Variants in BRMS1L observed in about 807,000 individuals in gnomAD.
BRMS1L encodes the protein breast cancer metastasis-suppressor 1-like protein.
A neutral mutation model predicts 50.3 loss-of-function variants in BRMS1L; 23 were observed. That is an observed-to-expected ratio of 0.46 (90% CI 0.33 to 0.65). The LOEUF is 0.65. Ranked by LOEUF, BRMS1L falls within the 30% of genes least tolerant of loss-of-function variation. The probability of loss-of-function intolerance (pLI) is 0.02; values close to 1 mark genes in which losing one functional copy is unlikely to be tolerated. For missense variants in BRMS1L, 286 were observed against 386.1 expected (o/e 0.74, Z 2.17); for synonymous variants, 114 against 126.9 (o/e 0.90, Z 0.69).
chr14:35,856,805 G>C (rs1421447665), intron 4 of BRMS1L, among the ~76,000 whole-genome samples: 1 of 152,092 alleles, frequency 6.6e-6, no homozygotes, highest in African/African-American at 2.4e-5. Flanking sequence ...AGTAGATACA[G>C]GGTTTGCCAT....
chr14:35,846,880 C>G (rs1856663271), intron 4 of BRMS1L, among the ~76,000 whole-genome samples: 1 of 152,038 alleles, frequency 6.6e-6, no homozygotes, highest in African/African-American at 2.4e-5. Context: ...CTTTTTTAAA[C>G]TCATTTTTTG....
At position 35,870,777 on chromosome 14, in the gene BRMS1L, T is replaced by A. The variant is rs1161877862; in HGVS notation, c.*300T>A. 1 of 163,230 alleles carries A rather than the reference T, an allele frequency of 6.1e-6. No homozygotes were observed. Among genetic ancestry groups the A allele is most frequent in the Non-Finnish European group, 1.3e-5 (1 of 75,384 alleles). 10.1% of individuals were successfully genotyped at this position (163,230 alleles called of 1,614,324 possible). A position where few individuals can be genotyped will look rare whatever the true frequency, so the allele number is the denominator to read the frequency against. On this transcript the variant is annotated 3_prime_UTR_variant, in exon 10 of 10. Transcript: ENST00000216807. The stretch of plus-strand genomic sequence containing the variant: ...TGGTTTTAAAAAAAGTTATGCAAAT[T>A]TGTCTTATCTTTAGTAAACTATGAC...
intron 4 of BRMS1L, among the ~76,000 whole-genome samples, chr14:35,850,717 G>A (rs1023090489): frequency 9.2e-5 from 14 of 152,094 alleles, no homozygotes; most frequent in Admixed American, 2.0e-4. Flanking sequence ...CAGCTCTTAC[G>A]TTTAAGTCTT....
intron 4 of BRMS1L, among the ~76,000 whole-genome samples, chr14:35,857,710 CTGTTG>C (rs2078299486): frequency 6.6e-6 from 1 of 152,010 alleles, no homozygotes; most frequent in South Asian, 2.1e-4. Context: ...TCTTCTAATA[CTGTTG>C]TGTTACAGTT....
At position 35,840,438 on chromosome 14, in the gene BRMS1L, G is replaced by A. The variant is rs138467396; in HGVS notation, c.441+5515G>A. On this transcript the variant is annotated intron_variant, in intron 4 of 9. Coordinates refer to ENST00000216807, the MANE Select transcript of BRMS1L (RefSeq NM_032352.4). ...TCTATTGTTTAGAATAGTTTCAGAA[G>A]GAATGCTACCAGCTCCTCTTTGTAC... is the stretch of plus-strand genomic sequence containing the variant. Among the ~76,000 whole-genome samples, 1,514 of 152,290 alleles carry A rather than the reference G, an allele frequency of 9.9e-3. 19 individuals are homozygous for A. The highest frequency in any genetic ancestry group is 0.013 in the Non-Finnish European group (878 of 68,022).
intron 4 of BRMS1L, among the ~76,000 whole-genome samples, chr14:35,846,041 A>G (rs910749300): frequency 1.3e-5 from 2 of 152,224 alleles, no homozygotes. Flanking sequence ...TTTAATGTAT[A>G]TTAGAAACAA....
rs150621639 is a variant in BRMS1L, at chr14:35,832,242, C to T, written c.234-736C>T. Among the ~76,000 whole-genome samples, 362 of 148,770 alleles carry T rather than the reference C, an allele frequency of 2.4e-3. 1 individual carries two copies. Among genetic ancestry groups the T allele is most frequent in the African/African-American group, 8.7e-3 (344 of 39,722 alleles). The stretch of plus-strand genomic sequence containing the variant: ...AGGCTGGGCCGGGCACGGTGGCTTA[C>T]GCCTGTAATCCCAGCATTTTGGGAG... On this transcript the variant is annotated intron_variant, in intron 2 of 9. Coordinates refer to ENST00000216807, the MANE Select transcript of BRMS1L (RefSeq NM_032352.4).
chr14:35,833,238 T>G (rs947211045), intron 3 of BRMS1L, 133 bp downstream of exon 3: 1 of 887,718 alleles, frequency 1.1e-6, no homozygotes, highest in Non-Finnish European at 1.6e-6. Context: ...ATTTTACTTT[T>G]AGTTAGCCCA....
rs1426758642 is a variant in BRMS1L at position 35,863,820 on chromosome 14, C to T, written c.539-50C>T. On this transcript the variant is annotated intron_variant, in intron 5 of 9. Transcript: ENST00000216807. ...CCATAAAATTAGAGTCTTTTTTCCT[C>T]CTTTGTTCACCAGAAACCCACTAAT... 10 of 1,525,114 alleles carry T rather than the reference C, an allele frequency of 6.6e-6. No homozygotes were observed. In the Admixed American group the frequency reaches 1.0e-4, roughly 16 times the overall value. The allele number at this position is 1,525,114 out of a possible 1,614,324, so 94.5% of individuals were successfully genotyped here. A position where few individuals can be genotyped will look rare whatever the true frequency, so the allele number is the denominator to read the frequency against.
intron 4 of BRMS1L, among the ~76,000 whole-genome samples, chr14:35,855,613 A>G (rs1192093768): frequency 1.3e-5 from 2 of 152,162 alleles, no homozygotes; most frequent in African/African-American, 4.8e-5. Context: ...AATTTCTTCT[A>G]TTAATAGTTT....
chr14:35,845,020 A>G (rs982389402), intron 4 of BRMS1L, among the ~76,000 whole-genome samples: 3 of 152,184 alleles, frequency 2.0e-5, no homozygotes, highest in East Asian at 1.9e-4. Flanking sequence ...AGTTAGGACT[A>G]TAGGCATATG....
At chr14:35,841,998 CTTTT>C (rs574267347) in intron 4 of BRMS1L, among the ~76,000 whole-genome samples, 1 of 112,222 alleles carries the variant, frequency 8.9e-6, no homozygotes, top group Non-Finnish European at 1.8e-5. Context: ...GCAATCTCTG[CTTTT>C]TTTTTTTTTT....
chr14:35,826,388 G>C lies in BRMS1L; in HGVS notation c.-129G>C. The C allele has an allele frequency of 7.2e-7, 1 of 1,388,448 alleles. No homozygotes were observed. The highest frequency in any genetic ancestry group is 9.8e-7 in the Non-Finnish European group (1 of 1,020,370). 86.0% of individuals were successfully genotyped at this position (1,388,448 alleles called of 1,614,324 possible). ...GTTAGGTTGTGAGGCCCGGGCCGGGGGCGGGGAGGAGCCAAGGGGGCGAGC... is the reference window on the plus strand; with the variant it reads ...GTTAGGTTGTGAGGCCCGGGCCGGGCGCGGGGAGGAGCCAAGGGGGCGAGC... On this transcript the variant is annotated 5_prime_UTR_variant, in exon 1 of 10. Transcript: ENST00000216807.
chr14:35,835,129 T>A (rs2077974775), intron 4 of BRMS1L, among the ~76,000 whole-genome samples: 1 of 151,830 alleles, frequency 6.6e-6, no homozygotes, highest in African/African-American at 2.4e-5. Flanking sequence ...AGAAAAAAAC[T>A]GAGATAATTT....
At chr14:35,866,221 A>C (rs570919852) in intron 8 of BRMS1L, among the ~76,000 whole-genome samples, 158 of 152,254 alleles carry the variant, frequency 1.0e-3, no homozygotes, top group African/African-American at 3.6e-3. Context: ...GGAAGTCTAA[A>C]ATCACTGCCA....
chr14:35,864,819 AG>A (rs2078400148), intron 6 of BRMS1L, 115 bp from the exon 7 acceptor site: 1 of 739,384 alleles, frequency 1.4e-6, no homozygotes, highest in Non-Finnish European at 2.3e-6. Flanking sequence ...GTCAGAATTT[AG>A]GATGCCAAAG....
At chr14:35,864,515 A>G (rs964307094) in intron 6 of BRMS1L, among the ~76,000 whole-genome samples, 4 of 152,094 alleles carry the variant, frequency 2.6e-5, no homozygotes, top group African/African-American at 7.2e-5. Context: ...TGGCCTCCCA[A>G]AGTGCTAGGA....
chr14:35,839,893 C>T (rs1230955827), intron 4 of BRMS1L, among the ~76,000 whole-genome samples: 1 of 152,182 alleles, frequency 6.6e-6, no homozygotes, highest in Non-Finnish European at 1.5e-5. Flanking sequence ...CTGGCCAGAA[C>T]TTCCAATACT....
At chr14:35,865,061 GTTTTT>G (rs1017357394) in intron 7 of BRMS1L, 62 bp downstream of exon 7, 1 of 1,233,796 alleles carries the variant, frequency 8.1e-7, no homozygotes, top group Non-Finnish European at 1.1e-6. Flanking sequence ...AAGATTCTAT[GTTTTT>G]TTTGTTAGTA....
Sources: gnomAD v4.1 joint callset for allele counts (sites outside exome capture counted in the v4.1 genomes callset) on GRCh38, gnomAD v4.1.1 for gene constraint, MANE v1.5 for transcripts, NCBI Gene and HGNC (gene_info 2026-07-23, HGNC 2026-07-21) for gene names.